HIC1: variants seen among roughly 807,000 people sequenced by gnomAD.
The protein encoded by HIC1 is HIC ZBTB transcriptional repressor 1.
A neutral mutation model predicts 26.4 loss-of-function variants in HIC1; 9 were observed. The observed-to-expected ratio is 0.34, with a 90% CI of 0.21 to 0.59. HIC1 has a LOEUF of 0.59. Among genes scored for constraint, HIC1 ranks in the 20% least tolerant of loss-of-function variants. The probability of loss-of-function intolerance (pLI) is 0.82; values close to 1 mark genes in which losing one functional copy is unlikely to be tolerated. For synonymous variants in HIC1, 631 were observed against 523.1 expected (o/e 1.21, Z -2.81); for missense variants, 965 against 1,075.7 (o/e 0.90, Z 1.44).
At position 2,061,914 on chromosome 17, in the gene HIC1, T is replaced by C. The variant is rs2067792199; in HGVS notation, c.*3079T>C. 1 of 347,928 alleles carries C rather than the reference T, an allele frequency of 2.9e-6. No homozygotes were observed. Among genetic ancestry groups the C allele is most frequent in the Admixed American group, 4.0e-5 (1 of 24,710 alleles). 21.6% of individuals were successfully genotyped at this position (347,928 alleles called of 1,614,324 possible). A position where few individuals can be genotyped will look rare whatever the true frequency, so the allele number is the denominator to read the frequency against. On this transcript the variant is annotated 3_prime_UTR_variant, in exon 2 of 2. Transcript: ENST00000619757. ...CCGTCAGCCTCCCAGGACCCTAAAC[T>C]GAGGGAATAGAAGCAGCCCCTTGAC...
Position 2,061,775 on chromosome 17 carries a change from C to T in HIC1, c.*2940C>T. On this transcript the variant is annotated 3_prime_UTR_variant, in exon 2 of 2. Coordinates refer to ENST00000619757, the MANE Select transcript of HIC1 (RefSeq NM_006497.4). The stretch of plus-strand genomic sequence containing the variant: ...CAGTCCTTTCCTCCGTCCGGGCTCT[C>T]AGCCCCGGGGACCCTCCCCTGCTGG... 1 of 883,666 alleles carries T rather than the reference C, an allele frequency of 1.1e-6. No homozygotes were observed. 54.7% of individuals were successfully genotyped at this position (883,666 alleles called of 1,614,324 possible). A position where few individuals can be genotyped will look rare whatever the true frequency, so the allele number is the denominator to read the frequency against.
Position 2,061,273 on chromosome 17 carries a change from G to C in HIC1, c.*2438G>C. On this transcript the variant is annotated 3_prime_UTR_variant, in exon 2 of 2. Coordinates refer to ENST00000619757, the MANE Select transcript of HIC1 (RefSeq NM_006497.4). ...CCAGCCACCTCCCTGCTAAATCCTG[G>C]CAGCCCAGGAGGGTCCCAGCAGCTT... is the stretch of plus-strand genomic sequence containing the variant. 1 of 484,318 alleles carries C rather than the reference G, an allele frequency of 2.1e-6. No individual in the cohort carries two copies. Among genetic ancestry groups the C allele is most frequent in the Non-Finnish European group, 3.7e-6 (1 of 270,184 alleles). 30.0% of individuals were successfully genotyped at this position (484,318 alleles called of 1,614,324 possible).
In HIC1 at chr17:2,058,530, G is replaced by A. The variant is rs887258154; in HGVS notation, c.1840G>A (p.Gly614Ser). 1 of 1,500,872 alleles carries A rather than the reference G, an allele frequency of 6.7e-7. No homozygotes were observed. Among genetic ancestry groups the A allele is most frequent in the Admixed American group, 2.4e-5 (1 of 41,724 alleles). 93.0% of individuals were successfully genotyped at this position (1,500,872 alleles called of 1,614,324 possible). Residue 614 changes from glycine to serine, a missense_variant, in exon 2 of 2, where the codon GGC becomes AGC. By Grantham distance (56) the Gly-to-Ser change is moderately conservative. Transcript: ENST00000619757. ...GCTGGCGGGCTTGGGGGGGCTCCCCGGCGTCCCCGGCCCCGACGGCAAGGG... is the reference window on the plus strand; with the variant it reads ...GCTGGCGGGCTTGGGGGGGCTCCCCAGCGTCCCCGGCCCCGACGGCAAGGG... ...GALAGLGGLP[G>S]VPGPDGKGKL... is the part of the protein sequence containing the mutation.
chr17:2,061,427 T>A lies in HIC1; in HGVS notation c.*2592T>A. 6.7e-7 allele frequency: 1 copy of A among 1,490,894 alleles called. No individual in the cohort carries two copies. Among genetic ancestry groups the A allele is most frequent in the South Asian group, 1.2e-5 (1 of 82,234 alleles). The allele number at this position is 1,490,894 out of a possible 1,614,324, so 92.4% of individuals were successfully genotyped here. On this transcript the variant is annotated 3_prime_UTR_variant, in exon 2 of 2. Coordinates refer to ENST00000619757, the MANE Select transcript of HIC1 (RefSeq NM_006497.4). ...TCAGGCACGTGGGCATCTTCCGTGC[T>A]ACACTGGGCGCCTGGTGGCCTTTCA...
Position 2,058,478 on chromosome 17 carries a change from G to C in HIC1, c.1788G>C (p.Val596=), listed in dbSNP as rs770660563. The C allele has an allele frequency of 2.0e-6, 3 of 1,513,596 alleles. No homozygotes were observed. Among genetic ancestry groups the C allele is most frequent in the African/African-American group, 1.5e-5 (1 of 68,790 alleles). The allele number at this position is 1,513,596 out of a possible 1,614,324, so 93.8% of individuals were successfully genotyped here. Residue 596 remains valine (V), a synonymous_variant, in exon 2 of 2, where the codon GTG becomes GTC. Transcript: ENST00000619757. Reference sequence around the variant, plus strand: ...TCAGCCACATGAAGATGCACGCCGTGGGGGGCGCGGCCGGCGCGGCCGGGG... The same window carrying C: ...TCAGCCACATGAAGATGCACGCCGTCGGGGGCGCGGCCGGCGCGGCCGGGG... ...NLISHMKMHA[V]GGAAGAAGAL...
In HIC1 at chr17:2,058,850, GCCCGCTCTGTCGCTGCT is replaced by G; in HGVS notation, c.*16_*32del. ...CTCCCACCTAGAGCGCCCCTCGCCA[GCCCGCTCTGTCGCTGCT>G]GCGCGGCCCTGGCCCGCACCCCAGG... On this transcript the variant is annotated 3_prime_UTR_variant, in exon 2 of 2. Transcript: ENST00000619757. 4.2e-6 allele frequency: 6 copies of G among 1,422,956 alleles called. No homozygotes were observed. The highest frequency in any genetic ancestry group is 5.5e-6 in the Non-Finnish European group (6 of 1,092,794). The allele number at this position is 1,422,956 out of a possible 1,614,324, so 88.1% of individuals were successfully genotyped here. A position where few individuals can be genotyped will look rare whatever the true frequency, so the allele number is the denominator to read the frequency against.
Position 2,058,905 on chromosome 17 carries a change from C to T in HIC1, c.*70C>T. The stretch of plus-strand genomic sequence containing the variant: ...CCCGCACCCCAGGGAGCGGCGGGGG[C>T]GGCGCGCAGGGCCCACTGTGCCCGG... On this transcript the variant is annotated 3_prime_UTR_variant, in exon 2 of 2. Transcript: ENST00000619757. 2 of 1,286,594 alleles carry T rather than the reference C, an allele frequency of 1.6e-6. No individual in the cohort carries two copies. Among genetic ancestry groups the T allele is most frequent in the Non-Finnish European group, 2.0e-6 (2 of 993,078 alleles). The allele number at this position is 1,286,594 out of a possible 1,614,324, so 79.7% of individuals were successfully genotyped here. A position where few individuals can be genotyped will look rare whatever the true frequency, so the allele number is the denominator to read the frequency against.
rs2067666974 is a variant in HIC1 at position 2,055,847 on chromosome 17, A to T, written c.-21+609A>T. 1.3e-5 allele frequency among the ~76,000 whole-genome samples: 2 copies of T among 149,584 alleles called. No individual in the cohort carries two copies. The highest frequency in any genetic ancestry group is 6.6e-5 in the Admixed American group (1 of 15,092). On this transcript the variant is annotated intron_variant, in intron 1 of 1. Transcript: ENST00000619757. The surrounding 1 kb of genome is among the most constrained non-coding windows in gnomAD (Gnocchi z 6.4). ...TGGGGCGGCGGAGTTCCGGGGGAGA[A>T]GGGGCCGGGGGAGCCGCGGAGGGAG...
Position 2,058,305 on chromosome 17 carries a change from C to T in HIC1, c.1615C>T (p.Leu539=). ...GTMTRHMRSH[L]GLKPFACDAC... ...CATGACGCGCCACATGCGCAGCCAC[C>T]TGGGCCTCAAGCCCTTCGCGTGCGA... Residue 539 remains leucine (L), a synonymous_variant, in exon 2 of 2, where the codon CTG becomes TTG. Transcript: ENST00000619757. 1.2e-6 allele frequency: 2 copies of T among 1,609,692 alleles called. No homozygotes were observed. Among genetic ancestry groups the T allele is most frequent in the African/African-American group, 1.3e-5 (1 of 74,980 alleles).
At position 2,061,640 on chromosome 17, in the gene HIC1, C is replaced by T. The variant is rs757362746; in HGVS notation, c.*2805C>T. 16 of 1,564,552 alleles carry T rather than the reference C, an allele frequency of 1.0e-5. No individual in the cohort carries two copies. Among genetic ancestry groups the T allele is most frequent in the Admixed American group, 1.9e-5 (1 of 53,310 alleles). ...TGGCTCCTCTGTGGGCATGAGAGAGCAGAAGGCTGTCACTGAGGACAGGAG... is the reference window on the plus strand; with the variant it reads ...TGGCTCCTCTGTGGGCATGAGAGAGTAGAAGGCTGTCACTGAGGACAGGAG... On this transcript the variant is annotated 3_prime_UTR_variant, in exon 2 of 2. Coordinates refer to ENST00000619757, the MANE Select transcript of HIC1 (RefSeq NM_006497.4).
At chr17:2,056,002 T>G (rs1285568932) in intron 1 of HIC1, among the ~76,000 whole-genome samples, 1 of 82,216 alleles carries the variant, frequency 1.2e-5, no homozygotes, top group Non-Finnish European at 2.4e-5. Context: ...CCCTGGGAGC[T>G]GCGTGGCTCC....
rs1267418781 is a variant in HIC1, at chr17:2,057,579, C to A, written c.889C>A (p.Pro297Thr). The change falls in exon 2 of 2, where the codon CCC becomes ACC. Residue 297 changes from proline to threonine, a missense_variant. Pro to Thr is a conservative substitution (Grantham distance 38). This residue lies in a region of HIC1 where 526 missense variants were observed against 525.0 expected (regional missense o/e 1.00). Coordinates refer to ENST00000619757, the MANE Select transcript of HIC1 (RefSeq NM_006497.4). ...TCGCGGCGGCAGCGGCAGCCCGGGA[C>A]CCGAGCCCCCCGGCCGCCCCGACGG... ...PFRGGSGSPG[P>T]EPPGRPDGPS... 2.0e-6 allele frequency: 3 copies of A among 1,504,668 alleles called. No individual in the cohort carries two copies. Among genetic ancestry groups the A allele is most frequent in the Non-Finnish European group, 1.8e-6 (2 of 1,132,256 alleles). The allele number at this position is 1,504,668 out of a possible 1,614,324, so 93.2% of individuals were successfully genotyped here.
Position 2,058,911 on chromosome 17 carries a change from G to A in HIC1, c.*76G>A, listed in dbSNP as rs2067704543. On this transcript the variant is annotated 3_prime_UTR_variant, in exon 2 of 2. Coordinates refer to ENST00000619757, the MANE Select transcript of HIC1 (RefSeq NM_006497.4). ...CCCCAGGGAGCGGCGGGGGCGGCGC[G>A]CAGGGCCCACTGTGCCCGGGACAAC... 4 of 1,260,674 alleles carry A rather than the reference G, an allele frequency of 3.2e-6. No homozygotes were observed. Among genetic ancestry groups the A allele is most frequent in the Admixed American group, 8.3e-5 (2 of 24,180 alleles). The allele number at this position is 1,260,674 out of a possible 1,614,324, so 78.1% of individuals were successfully genotyped here.
chr17:2,061,561 C>T lies in HIC1; in HGVS notation c.*2726C>T, dbSNP rs1323007566. ...CAGGAACATTCCTTGTGAGCGCCTTCACACGCAGGTTCCGGTCATCCGTCA... is the reference window on the plus strand; with the variant it reads ...CAGGAACATTCCTTGTGAGCGCCTTTACACGCAGGTTCCGGTCATCCGTCA... On this transcript the variant is annotated 3_prime_UTR_variant, in exon 2 of 2. Coordinates refer to ENST00000619757, the MANE Select transcript of HIC1 (RefSeq NM_006497.4). The T allele has an allele frequency of 6.4e-7, 1 of 1,573,054 alleles. No homozygotes were observed. The highest frequency in any genetic ancestry group is 1.2e-5 in the South Asian group (1 of 85,858).
chr17:2,056,426 C>T, intron 1 of HIC1: 4 of 1,467,946 alleles, frequency 2.7e-6, no homozygotes, highest in South Asian at 2.3e-5. Context: ...TGCCCTGGGG[C>T]GTGCAGGCCG....
Position 2,056,695 on chromosome 17 carries a change from T to C in HIC1, c.5T>C (p.Leu2Pro), listed in dbSNP as rs778413153. 2 of 1,595,994 alleles carry C rather than the reference T, an allele frequency of 1.3e-6. No homozygotes were observed. The highest frequency in any genetic ancestry group is 1.7e-6 in the Non-Finnish European group (2 of 1,169,856). Reference protein sequence around the residue: MLDTMEAPGHSR... With the variant: MPDTMEAPGHSR... Reference sequence around the variant, plus strand: ...GGAGAGTGTGCTGGGCAGACGATGCTGGACACGATGGAGGCGCCCGGCCAC... The same window carrying C: ...GGAGAGTGTGCTGGGCAGACGATGCCGGACACGATGGAGGCGCCCGGCCAC... Residue 2 changes from leucine to proline, a missense_variant, in exon 2 of 2, where the codon CTG becomes CCG. Coordinates refer to ENST00000619757, the MANE Select transcript of HIC1 (RefSeq NM_006497.4).
Position 2,057,110 on chromosome 17 carries a change from G to A in HIC1, c.420G>A (p.Arg140=). 7.6e-6 allele frequency: 10 copies of A among 1,322,022 alleles called. No homozygotes were observed. Among genetic ancestry groups the A allele is most frequent in the Non-Finnish European group, 9.6e-6 (10 of 1,043,642 alleles). 81.9% of individuals were successfully genotyped at this position (1,322,022 alleles called of 1,614,324 possible). Residue 140 remains arginine (R), a synonymous_variant, in exon 2 of 2, where the codon CGG becomes CGA. Transcript: ENST00000619757. ...LKRHGKYCHL[R]GGGGGGGGYA... ...GCCACGGCAAGTACTGCCACCTGCG[G>A]GGCGGCGGCGGCGGCGGCGGCGGCT...
In HIC1 at chr17:2,061,918, G is replaced by A; in HGVS notation, c.*3083G>A. 3.0e-6 allele frequency: 1 copy of A among 338,874 alleles called. No homozygotes were observed. Among genetic ancestry groups the A allele is most frequent in the South Asian group, 3.2e-5 (1 of 31,308 alleles). 21.0% of individuals were successfully genotyped at this position (338,874 alleles called of 1,614,324 possible). A position where few individuals can be genotyped will look rare whatever the true frequency, so the allele number is the denominator to read the frequency against. On this transcript the variant is annotated 3_prime_UTR_variant, in exon 2 of 2. Transcript: ENST00000619757. ...CAGCCTCCCAGGACCCTAAACTGAG[G>A]GAATAGAAGCAGCCCCTTGACCTCT... is the stretch of plus-strand genomic sequence containing the variant.
rs886259663 is a variant in HIC1, at chr17:2,062,107, T to G, written c.*3272T>G. On this transcript the variant is annotated 3_prime_UTR_variant, in exon 2 of 2. Coordinates refer to ENST00000619757, the MANE Select transcript of HIC1 (RefSeq NM_006497.4). ...ATGGAACAGAAAATGTATCCAGGGT[T>G]TTCCAGATGTGGGGAGAGGGGTTAA... 6.4e-6 allele frequency: 1 copy of G among 156,832 alleles called. No homozygotes were observed. The highest frequency in any genetic ancestry group is 2.4e-5 in the African/African-American group (1 of 41,458). 9.7% of individuals were successfully genotyped at this position (156,832 alleles called of 1,614,324 possible).
Sources: allele counts gnomAD v4.1 joint callset (sites outside exome capture counted in the v4.1 genomes callset), GRCh38; gene constraint gnomAD v4.1.1; regional missense constraint gnomAD v4.1.1; non-coding constraint Gnocchi (gnomAD v3.1); transcripts MANE v1.5; gene names NCBI Gene and HGNC (gene_info 2026-07-23, HGNC 2026-07-21).